MGMT: variants seen among roughly 807,000 people sequenced by gnomAD.
MGMT encodes methylated-DNA--protein-cysteine methyltransferase.
MGMT carries 14 observed loss-of-function variants against 15.9 expected under a neutral mutation model. That is an observed-to-expected ratio of 0.88 (90% CI 0.58 to 1.37). MGMT has a LOEUF of 1.37. Ranked by LOEUF, MGMT falls within the 40% of genes most tolerant of loss-of-function variation. The pLI, the probability that MGMT is intolerant of heterozygous loss-of-function variation, is 0.00. For synonymous variants in MGMT, 130 were observed against 118.2 expected, an observed-to-expected ratio of 1.10 and a Z score of -0.65; for missense variants, 282 against 268.1, an observed-to-expected ratio of 1.05 and a Z score of -0.36.
At chr10:129,526,395 C>T (rs527839326) in intron 1 of MGMT, among the ~76,000 whole-genome samples, 12 of 152,220 alleles carry the variant, frequency 7.9e-5, no homozygotes, top group African/African-American at 2.6e-4. Flanking sequence ...CAGTCAGACA[C>T]GGTCCTCTTC....
Position 129,620,429 on chromosome 10 carries a change from G to A in MGMT, c.125+84052G>A, listed in dbSNP as rs114247131. Among the ~76,000 whole-genome samples, 257 of 152,240 alleles carry A rather than the reference G, an allele frequency of 1.7e-3. 1 individual carries two copies. The highest frequency in any genetic ancestry group is 5.8e-3 in the African/African-American group (242 of 41,540). The stretch of plus-strand genomic sequence containing the variant: ...TTCAATCAGTCGAGAAAGGAGTGTC[G>A]AAGTCTGCAACTCGAATTATGGATT... On this transcript the variant is annotated intron_variant, in intron 2 of 4. Coordinates refer to ENST00000651593, the MANE Select transcript of MGMT (RefSeq NM_002412.5).
intron 3 of MGMT, among the ~76,000 whole-genome samples, chr10:129,728,095 T>C (rs1848453526): frequency 6.6e-6 from 1 of 152,032 alleles, no homozygotes; most frequent in African/African-American, 2.4e-5. Flanking sequence ...TGAACAGGAC[T>C]CATTGGACTG....
intron 2 of MGMT, among the ~76,000 whole-genome samples, chr10:129,681,693 G>A (rs149478946): frequency 1.1e-3 from 161 of 152,230 alleles, no homozygotes; most frequent in African/African-American, 3.6e-3. Flanking sequence ...TATGAAAACC[G>A]TGTATATGGA....
chr10:129,563,151 C>A (rs916473337), intron 2 of MGMT, among the ~76,000 whole-genome samples: 1 of 152,190 alleles, frequency 6.6e-6, no homozygotes, highest in Non-Finnish European at 1.5e-5. Context: ...AATGTGTTTT[C>A]AGGGTCGATG....
chr10:129,561,176 A>C (rs946096188), intron 2 of MGMT, among the ~76,000 whole-genome samples: 2 of 152,108 alleles, frequency 1.3e-5, no homozygotes, highest in Non-Finnish European at 2.9e-5. Flanking sequence ...CTATTAACCA[A>C]TCTCACGTAT....
chr10:129,707,771 G>T, intron 2 of MGMT, 124 bp from the exon 3 acceptor site: 1 of 1,297,436 alleles, frequency 7.7e-7, no homozygotes, highest in South Asian at 1.2e-5. Context: ...ACAGCTAGTT[G>T]AGACGTGTGT....
chr10:129,480,003 A>G (rs1045260605), intron 1 of MGMT, among the ~76,000 whole-genome samples: 2 of 152,236 alleles, frequency 1.3e-5, no homozygotes, highest in East Asian at 3.8e-4. Flanking sequence ...CTTTTTGCAT[A>G]AATAACATTT....
intron 3 of MGMT, among the ~76,000 whole-genome samples, chr10:129,737,192 A>G (rs1455078837): frequency 6.6e-6 from 1 of 152,314 alleles, no homozygotes. Flanking sequence ...ACTTTCAGGT[A>G]CACCAATCAG....
At chr10:129,596,442 A>T (rs137903449) in intron 2 of MGMT, among the ~76,000 whole-genome samples, 3 of 152,224 alleles carry the variant, frequency 2.0e-5, no homozygotes, top group African/African-American at 7.2e-5. Context: ...TTATCTGTTC[A>T]GACCCAACAT....
At chr10:129,614,034 C>G (rs1846992439) in intron 2 of MGMT, among the ~76,000 whole-genome samples, 1 of 152,184 alleles carries the variant, frequency 6.6e-6, no homozygotes, top group Non-Finnish European at 1.5e-5. Flanking sequence ...GTGCAGCCAT[C>G]ACCACCACCC....
chr10:129,572,640 G>A (rs970351206), intron 2 of MGMT, among the ~76,000 whole-genome samples: 13 of 152,200 alleles, frequency 8.5e-5, no homozygotes, highest in African/African-American at 2.9e-4. Context: ...AATAAACTAT[G>A]ACAAATTAAT....
intron 3 of MGMT, among the ~76,000 whole-genome samples, chr10:129,727,677 T>G (rs1429318323): frequency 2.0e-5 from 3 of 152,196 alleles, no homozygotes; most frequent in Non-Finnish European, 4.4e-5. Context: ...CAGCTGTTTT[T>G]GGCTGTCTCT....
intron 3 of MGMT, among the ~76,000 whole-genome samples, chr10:129,718,677 G>C (rs1323891467): frequency 6.6e-6 from 1 of 152,166 alleles, no homozygotes; most frequent in Non-Finnish European, 1.5e-5. Flanking sequence ...TCAAGAGCTG[G>C]ACCATGTGCC....
intron 1 of MGMT, among the ~76,000 whole-genome samples, chr10:129,495,714 C>T (rs960067693): frequency 6.6e-6 from 1 of 152,210 alleles, no homozygotes; most frequent in South Asian, 2.1e-4. Flanking sequence ...TGTATGGAAT[C>T]TGGCCCGTCC....
chr10:129,752,284 T>A (rs1228017992), intron 3 of MGMT, among the ~76,000 whole-genome samples: 1 of 152,024 alleles, frequency 6.6e-6, no homozygotes, highest in African/African-American at 2.4e-5. Flanking sequence ...AAGTCTGCTT[T>A]GTCTTTTATT....
rs1368578029 is a variant in MGMT, at chr10:129,532,186, A to G, written c.-12-4055A>G. ...AGCCTGCCCTTTGGATGAGAGGCCC[A>G]TGCCATGATGCTGGTCATGGGGATA... On this transcript the variant is annotated intron_variant, in intron 1 of 4. Coordinates refer to ENST00000651593, the MANE Select transcript of MGMT (RefSeq NM_002412.5). This position sits in a 1 kb window ranked among gnomAD's most constrained non-coding sequence, Gnocchi z 5.3. Among the ~76,000 whole-genome samples, 1 of 152,192 alleles carries G rather than the reference A, an allele frequency of 6.6e-6. No homozygotes were observed. The highest frequency in any genetic ancestry group is 2.4e-5 in the African/African-American group (1 of 41,458).
chr10:129,545,269 G>A (rs1201623030), intron 2 of MGMT, among the ~76,000 whole-genome samples: 1 of 152,178 alleles, frequency 6.6e-6, no homozygotes. Flanking sequence ...ACTCTTGCCT[G>A]CAGTTGAGGG....
intron 3 of MGMT, among the ~76,000 whole-genome samples, chr10:129,746,164 G>T (rs1015320041): frequency 6.6e-6 from 1 of 150,984 alleles, no homozygotes; most frequent in Non-Finnish European, 1.5e-5. Flanking sequence ...GCGTGAACCC[G>T]GGAGGCAGAG....
chr10:129,753,121 TTTTC>T (rs1156348252), intron 3 of MGMT, among the ~76,000 whole-genome samples: 1 of 152,208 alleles, frequency 6.6e-6, no homozygotes, highest in Non-Finnish European at 1.5e-5. Flanking sequence ...TGTCAGGTTT[TTTTC>T]TTTCTTTCAG....
Sources: allele counts gnomAD v4.1 joint callset (sites outside exome capture counted in the v4.1 genomes callset), GRCh38; gene constraint gnomAD v4.1.1; non-coding constraint Gnocchi (gnomAD v3.1); transcripts MANE v1.5; gene names NCBI Gene and HGNC (gene_info 2026-07-23, HGNC 2026-07-21).